Variants in MRPS35 observed in about 807,000 individuals in gnomAD.
MRPS35 encodes the protein small ribosomal subunit protein mS35.
A neutral mutation model predicts 32.7 loss-of-function variants in MRPS35; 29 were observed. The ratio of observed to expected loss-of-function variants is 0.89; its 90% confidence interval spans 0.66 to 1.21. The LOEUF is 1.21. Among genes scored for constraint, MRPS35 ranks in the 50% most tolerant of loss-of-function variants. The probability of loss-of-function intolerance (pLI) is 0.00; values close to 1 mark genes in which losing one functional copy is unlikely to be tolerated. For missense variants in MRPS35, 373 were observed against 383.8 expected (o/e 0.97, Z 0.23); for synonymous variants, 148 against 139.3 (o/e 1.06, Z -0.44).
intron 5 of MRPS35, among the ~76,000 whole-genome samples, chr12:27,727,340 C>T (rs917634377): frequency 3.9e-5 from 6 of 152,126 alleles, no homozygotes; most frequent in African/African-American, 7.2e-5. Context: ...AACACATACA[C>T]AACAGTGGTC....
chr12:27,712,529 T>C (rs1283277362), intron 1 of MRPS35, among the ~76,000 whole-genome samples: 3 of 152,096 alleles, frequency 2.0e-5, no homozygotes, highest in Non-Finnish European at 2.9e-5. Context: ...TGGATTAAAG[T>C]AATAGTGGAG....
At chr12:27,728,904 A>G (rs1017968925) in intron 5 of MRPS35, among the ~76,000 whole-genome samples, 2 of 152,144 alleles carry the variant, frequency 1.3e-5, no homozygotes, top group Non-Finnish European at 2.9e-5. Flanking sequence ...TGGCAAGAAT[A>G]CTTTATAGAT....
chr12:27,712,578 A>G (rs1011476613), intron 1 of MRPS35, among the ~76,000 whole-genome samples: 2 of 152,206 alleles, frequency 1.3e-5, no homozygotes, highest in Non-Finnish European at 2.9e-5. Context: ...TTTTGAAGGT[A>G]AAGTTCATAG....
rs918769128 is a variant in MRPS35 at position 27,756,255 on chromosome 12, G to C, written c.*805G>C. ...GCTGTTTCTTACCACTTCGATGGTT[G>C]TGATTAATTTAAAATCAAAATAAAG... On this transcript the variant is annotated 3_prime_UTR_variant, in exon 8 of 8. Coordinates refer to ENST00000081029, the MANE Select transcript of MRPS35 (RefSeq NM_021821.4). 2 of 152,262 alleles carry C rather than the reference G, an allele frequency of 1.3e-5. No individual in the cohort carries two copies. The highest frequency in any genetic ancestry group is 4.8e-5 in the African/African-American group (2 of 41,472). The allele number at this position is 152,262 out of a possible 1,614,324, so 9.4% of individuals were successfully genotyped here.
chr12:27,746,640 C>T (rs992134060), intron 7 of MRPS35, among the ~76,000 whole-genome samples: 1 of 152,196 alleles, frequency 6.6e-6, no homozygotes, highest in African/African-American at 2.4e-5. Flanking sequence ...TGGTGCTACA[C>T]AGAAGGTGAC....
chr12:27,740,942 G>A (rs146036021), intron 7 of MRPS35, among the ~76,000 whole-genome samples: 1,666 of 152,160 alleles, frequency 0.011, 15 homozygotes, highest in Non-Finnish European at 0.016. Context: ...AAAGGCAGGC[G>A]GATTGCCCGA....
chr12:27,741,534 T>C (rs1472619233), intron 7 of MRPS35, among the ~76,000 whole-genome samples: 2 of 152,226 alleles, frequency 1.3e-5, no homozygotes, highest in African/African-American at 4.8e-5. Flanking sequence ...TCTATTAATA[T>C]ATACAGCTTA....
chr12:27,731,161 C>T (rs1459540879), intron 5 of MRPS35, among the ~76,000 whole-genome samples: 1 of 152,168 alleles, frequency 6.6e-6, no homozygotes, highest in Admixed American at 6.5e-5. Context: ...CTTTGCCATG[C>T]CCCTGTCATT....
At chr12:27,719,530 G>T (rs892594969) in intron 3 of MRPS35, among the ~76,000 whole-genome samples, 9 of 151,876 alleles carry the variant, frequency 5.9e-5, no homozygotes, top group African/African-American at 1.5e-4. Flanking sequence ...GCCGGGCGTG[G>T]TGGCGGGCGC....
At chr12:27,717,521 T>C (rs1345723282) in intron 3 of MRPS35, among the ~76,000 whole-genome samples, 1 of 152,202 alleles carries the variant, frequency 6.6e-6, no homozygotes. Flanking sequence ...GACAATGAAC[T>C]GTTTTCCATT....
intron 7 of MRPS35, 22 bp from the exon 8 acceptor site, chr12:27,755,159 T>TTTTTG (rs747615186): frequency 3.4e-6 from 5 of 1,491,380 alleles, no homozygotes; most frequent in Non-Finnish European, 4.5e-6. Context: ...AACTCATTTT[T>TTTTTG]TTTTGTTTTG....
rs1389206551 is a variant in MRPS35 at position 27,733,048 on chromosome 12, C to A, written c.523-2399C>A. Reference sequence around the variant, plus strand: ...TATATATATATATATATATCCAGCACCTCCTGTGATTTGAAATATCAGTGT... The same window carrying A: ...TATATATATATATATATATCCAGCAACTCCTGTGATTTGAAATATCAGTGT... On this transcript the variant is annotated intron_variant, in intron 5 of 7. Transcript: ENST00000081029. 4.2e-5 allele frequency among the ~76,000 whole-genome samples: 5 copies of A among 119,962 alleles called. No individual in the cohort carries two copies. In the East Asian group the frequency reaches 1.0e-3, roughly 25 times the overall value. 78.7% of individuals were successfully genotyped at this position (119,962 alleles called of 152,430 possible). A position where few individuals can be genotyped will look rare whatever the true frequency, so the allele number is the denominator to read the frequency against.
At chr12:27,729,350 A>C (rs760969526) in intron 5 of MRPS35, among the ~76,000 whole-genome samples, 1 of 152,132 alleles carries the variant, frequency 6.6e-6, no homozygotes, top group Non-Finnish European at 1.5e-5. Context: ...TTCTCAGCTG[A>C]TTCTTTCGGA....
intron 7 of MRPS35, among the ~76,000 whole-genome samples, chr12:27,753,305 C>T (rs1002992775): frequency 6.6e-5 from 10 of 152,142 alleles, no homozygotes; most frequent in African/African-American, 9.7e-5. Flanking sequence ...ATTTCTTCTC[C>T]TAAGTCTCTT....
chr12:27,723,283 T>G (rs1456043867), intron 4 of MRPS35, among the ~76,000 whole-genome samples: 3 of 152,090 alleles, frequency 2.0e-5, no homozygotes, highest in African/African-American at 7.2e-5. Flanking sequence ...AGTTTTTTTT[T>G]TTTTCCCATT....
chr12:27,711,220 T>C (rs2061820413), intron 1 of MRPS35, among the ~76,000 whole-genome samples: 1 of 152,220 alleles, frequency 6.6e-6, no homozygotes, highest in Non-Finnish European at 1.5e-5. Context: ...GACCTGCTCC[T>C]GTGTTGCCCC....
In MRPS35 at chr12:27,716,421, TG is replaced by T. The variant is rs1566046858; in HGVS notation, c.285del (p.Met97TrpfsTer7). 1.2e-6 allele frequency: 2 copies of T among 1,614,138 alleles called. No homozygotes were observed. The highest frequency in any genetic ancestry group is 1.7e-6 in the Non-Finnish European group (2 of 1,180,030). ...ATGGGTTATCCAGTAAAAAAGGGCG[TG>T]CCCATGGCAAAGGAGGGAAATCTAG... ...VRMGYPVKKG[V>X]PMAKEGNLEL... On this transcript the variant is annotated frameshift_variant, in exon 3 of 8. Coordinates refer to ENST00000081029, the MANE Select transcript of MRPS35 (RefSeq NM_021821.4). LOFTEE classifies it high-confidence loss of function.
rs1321241040 is a variant in MRPS35 at position 27,724,044 on chromosome 12, C to T, written c.383-3C>T. On this transcript the variant is annotated splice_polypyrimidine_tract_variant and splice_region_variant and intron_variant, in intron 4 of 7. Coordinates refer to ENST00000081029, the MANE Select transcript of MRPS35 (RefSeq NM_021821.4). ...TAATTGAAATTATTTCTTTTATTCT[C>T]AGATTTTTGCACTGAGTGGCCAGCC... 1 of 1,602,532 alleles carries T rather than the reference C, an allele frequency of 6.2e-7. No homozygotes were observed. The highest frequency in any genetic ancestry group is 1.8e-5 in the Admixed American group (1 of 55,512).
intron 5 of MRPS35, among the ~76,000 whole-genome samples, chr12:27,732,987 GATAT>G (rs56932909): frequency 4.0e-3 from 480 of 120,356 alleles, no homozygotes; most frequent in South Asian, 6.3e-3. Context: ...GTCATTTGAA[GATAT>G]ATATATATAT....
Sources: gnomAD v4.1 joint callset for allele counts (sites outside exome capture counted in the v4.1 genomes callset) on GRCh38, gnomAD v4.1.1 for gene constraint, MANE v1.5 for transcripts, NCBI Gene and HGNC (gene_info 2026-07-23, HGNC 2026-07-21) for gene names.